Variants in KCNMB3 observed in about 807,000 individuals in gnomAD.
The protein encoded by KCNMB3 is potassium calcium-activated channel subfamily M regulatory beta subunit 3.
KCNMB3 carries 18 observed loss-of-function variants against 11.9 expected under a neutral mutation model. The ratio of observed to expected loss-of-function variants is 1.51; its 90% CI spans 1.04 to 2.23. KCNMB3 has a LOEUF of 2.23. Among genes scored for constraint, KCNMB3 ranks in the 30% most tolerant of loss-of-function variants. The pLI, the probability that KCNMB3 is intolerant of heterozygous loss-of-function variation, is 0.00. For missense variants in KCNMB3, 247 were observed against 329.4 expected (o/e 0.75, Z 1.94); for synonymous variants, 78 against 119.2 (o/e 0.65, Z 2.25).
exon 1 of KCNMB3, chr3:179,266,828 C>A (rs1029174604): frequency 6.8e-7 from 1 of 1,465,272 alleles, no homozygotes. Context: ...CCCCAGCCCC[C>A]AGCGCAGCTG....
Position 179,250,745 on chromosome 3 carries a change from G to C in KCNMB3, c.246C>G (p.Leu82=). ...LGTTILKPFM[L]SIQREESTCT... ...GATTTCCTTCCTCTGTTTCTTACCT[G>C]AGCATAAAAGGCTTTAGAATGGTTG... Residue 82 remains leucine, a splice_region_variant and synonymous_variant, in exon 1 of 3, where the codon CTC becomes CTG. Transcript: ENST00000392685. 6.2e-7 allele frequency: 1 copy of C among 1,614,090 alleles called. No individual in the cohort carries two copies.
chr3:179,265,164 CA>C (rs1231838993), intron 1 of KCNMB3, among the ~76,000 whole-genome samples: 2 of 152,126 alleles, frequency 1.3e-5, no homozygotes, highest in Admixed American at 6.5e-5. Context: ...TGTCTGTTCA[CA>C]AAAAAATTGG....
At position 179,257,887 on chromosome 3, in the gene KCNMB3, TG is replaced by T. The variant is rs1576962334; in HGVS notation, c.63-6954del. Among the ~76,000 whole-genome samples, 11 of 151,606 alleles carry T rather than the reference TG, an allele frequency of 7.3e-5. No individual in the cohort carries two copies. The South Asian group carries it at 1.7e-3, about 23-fold the overall frequency. On this transcript the variant is annotated intron_variant, in intron 1 of 3. Transcript: ENST00000349697. ...AAACATTGTTTTGTGTGTGTGTGTG[TG>T]TGTGTGTGTGTTTTTTAGACAGAGT...
At chr3:179,254,536 C>A (rs111506534), upstream of KCNMB3, among the ~76,000 whole-genome samples, 1 of 152,108 alleles carries the variant, frequency 6.6e-6, no homozygotes, top group Admixed American at 6.5e-5. Flanking sequence ...ATAGGCCAGG[C>A]GCAATGGCTC....
At chr3:179,253,742 G>T (rs1163403835), upstream of KCNMB3, among the ~76,000 whole-genome samples, 1 of 151,982 alleles carries the variant, frequency 6.6e-6, no homozygotes, top group African/African-American at 2.4e-5. Context: ...GGTGGCAGAG[G>T]TTGCAGTGAG....
chr3:179,261,141 G>T, intron 1 of KCNMB3: 2 of 1,335,920 alleles, frequency 1.5e-6, no homozygotes, highest in Admixed American at 2.0e-5. Flanking sequence ...TGCCGCTCCA[G>T]CTCCTTCATG....
chr3:179,259,782 T>G, intron 1 of KCNMB3: 1 of 1,601,668 alleles, frequency 6.2e-7, no homozygotes, highest in Non-Finnish European at 8.5e-7. Flanking sequence ...TTGGTCATTC[T>G]TTTCTTCATC....
At chr3:179,242,289 G>A (rs1219476953), downstream of KCNMB3, 1 of 152,142 alleles carries the variant, frequency 6.6e-6, no homozygotes, top group African/African-American at 2.4e-5. Context: ...CAGCTACTTA[G>A]GAAGCTGAAG....
At chr3:179,249,058 G>T (rs1354523087) in intron 1 of KCNMB3, among the ~76,000 whole-genome samples, 2 of 145,616 alleles carry the variant, frequency 1.4e-5, no homozygotes, top group East Asian at 4.1e-4. Context: ...AGTCACCCAG[G>T]CTGGAGTGCA....
At chr3:179,250,615 T>A in intron 1 of KCNMB3, 128 bp downstream of exon 1, 1 of 971,524 alleles carries the variant, frequency 1.0e-6, no homozygotes, top group Non-Finnish European at 1.6e-6. Flanking sequence ...AGGAATTGTA[T>A]TTTTCTTTTT....
At chr3:179,252,768 G>C (rs1022475295), upstream of KCNMB3, among the ~76,000 whole-genome samples, 4 of 135,044 alleles carry the variant, frequency 3.0e-5, no homozygotes, top group Non-Finnish European at 4.6e-5. Flanking sequence ...GTCTCCCTCT[G>C]TCACCCAGGC....
intron 1 of KCNMB3, among the ~76,000 whole-genome samples, chr3:179,263,800 C>CTTTTTTTTTTTTTTTTTTTTTTTT (rs60270913): frequency 5.3e-4 from 32 of 59,964 alleles, no homozygotes; most frequent in Admixed American, 7.4e-4. Context: ...TTTTTCTTTT[C>CTTTTTTTTTTTTTTTTTTTTTTTT]TTTTTTTTTT....
At chr3:179,252,881 A>G (rs1025634620), upstream of KCNMB3, among the ~76,000 whole-genome samples, 7 of 151,672 alleles carry the variant, frequency 4.6e-5, no homozygotes, top group East Asian at 1.9e-4. Context: ...ACAGGCGCCC[A>G]CCACCACGCC....
upstream of KCNMB3, among the ~76,000 whole-genome samples, chr3:179,252,731 CTTTT>C (rs386398672): frequency 1.6e-5 from 2 of 128,558 alleles, no homozygotes. Flanking sequence ...TGAACCTGTA[CTTTT>C]TTTTTTTTTT....
rs564428651 is a variant in KCNMB3, at chr3:179,262,361, T to C, written c.62+4288A>G. On this transcript the variant is annotated intron_variant, in intron 1 of 3. Coordinates refer to the KCNMB3 transcript ENST00000349697. ...CCGCGGACCTTCGCAGTGAGTGTTATAGCTCTTAAGGCGGCGCCTCTGGAG... is the reference window on the plus strand; with the variant it reads ...CCGCGGACCTTCGCAGTGAGTGTTACAGCTCTTAAGGCGGCGCCTCTGGAG... Among the ~76,000 whole-genome samples, 8 of 152,290 alleles carry C rather than the reference T, an allele frequency of 5.3e-5. No individual in the cohort carries two copies. The East Asian group carries it at 9.6e-4, about 18-fold the overall frequency.
At chr3:179,250,546 T>C (rs151148893) in intron 1 of KCNMB3, among the ~76,000 whole-genome samples, 197 bp downstream of exon 1, 12 of 152,304 alleles carry the variant, frequency 7.9e-5, no homozygotes, top group Non-Finnish European at 1.5e-4. Flanking sequence ...GGAAATATCT[T>C]TGACCTTCTC....
rs1725825559 is a variant in KCNMB3 at position 179,251,038 on chromosome 3, G to A, written c.-48C>T. 6.2e-7 allele frequency: 1 copy of A among 1,614,214 alleles called. No individual in the cohort carries two copies. Among genetic ancestry groups the A allele is most frequent in the Non-Finnish European group, 8.5e-7 (1 of 1,180,044 alleles). ...GGATAATCTCATTTGCTGCCTACCT[G>A]TGTCTCGTGAGCAGGATGAATGCAA... is the stretch of plus-strand genomic sequence containing the variant. On this transcript the variant is annotated 5_prime_UTR_variant, in exon 1 of 3. Coordinates refer to ENST00000392685, the MANE Select transcript of KCNMB3 (RefSeq NM_171830.2).
chr3:179,249,023 T>C (rs1046440567), intron 1 of KCNMB3, among the ~76,000 whole-genome samples: 5 of 145,928 alleles, frequency 3.4e-5, no homozygotes, highest in African/African-American at 1.0e-4. Context: ...TTTTTTTTTT[T>C]TTTTTTTGAG....
chr3:179,261,102 T>G (rs1334151346), intron 1 of KCNMB3: 22 of 1,208,890 alleles, frequency 1.8e-5, no homozygotes, highest in Non-Finnish European at 1.8e-5. Context: ...GTAAAATATT[T>G]TTCTGGTCTC....
Sources: gnomAD v4.1 joint callset for allele counts (sites outside exome capture counted in the v4.1 genomes callset) on GRCh38, gnomAD v4.1.1 for gene constraint, MANE v1.5 for transcripts, NCBI Gene and HGNC (gene_info 2026-07-23, HGNC 2026-07-21) for gene names.